Variants in PAPPA observed in about 807,000 individuals in gnomAD.
PAPPA encodes pappalysin-1.
A neutral mutation model predicts 164.0 loss-of-function variants in PAPPA; 60 were observed. That is an observed-to-expected ratio of 0.37 (90% confidence interval 0.30 to 0.45). PAPPA has a LOEUF of 0.45. Among genes scored for constraint, PAPPA ranks in the 20% least tolerant of loss-of-function variants. The pLI, the probability that PAPPA is intolerant of heterozygous loss-of-function variation, is 1.00. For missense variants in PAPPA, 1,782 were observed against 2,087.3 expected, an observed-to-expected ratio of 0.85 and a Z score of 2.85; for synonymous variants, 875 against 814.1, an observed-to-expected ratio of 1.07 and a Z score of -1.27.
intron 4 of PAPPA, among the ~76,000 whole-genome samples, chr9:116,216,590 G>T (rs1395323550): frequency 6.6e-6 from 1 of 152,132 alleles, no homozygotes; most frequent in Non-Finnish European, 1.5e-5. Context: ...GCACTGGGGG[G>T]AAAGAAGCCA....
In PAPPA at chr9:116,154,557, G is replaced by T; in HGVS notation, c.385G>T (p.Gly129Trp). The change falls in exon 1 of 22, where the codon GGG (glycine) becomes TGG (tryptophan). Residue 129 changes from glycine to tryptophan, a missense_variant. Gly to Trp is a radical substitution (Grantham distance 184, BLOSUM62 -2). This residue lies in a region of PAPPA where 458 missense variants were observed against 430.3 expected (regional missense o/e 1.06). Coordinates refer to ENST00000328252, the MANE Select transcript of PAPPA (RefSeq NM_002581.5). This position sits in a 1 kb window ranked among gnomAD's most constrained non-coding sequence, Gnocchi z 5.2. ...GCTGCAAGTGTGGCTGCGAGCGGAG[G>T]GGGGCCAGAGGTCTCCGGCAGTGAT... Reference protein sequence around the residue: ...FTLQVWLRAEGGQRSPAVITG... With the variant: ...FTLQVWLRAEWGQRSPAVITG... The T allele has an allele frequency of 7.1e-7, 1 of 1,404,954 alleles. No homozygotes were observed. Among genetic ancestry groups the T allele is most frequent in the Non-Finnish European group, 9.3e-7 (1 of 1,077,402 alleles). The allele number at this position is 1,404,954 out of a possible 1,614,324, so 87.0% of individuals were successfully genotyped here. A position where few individuals can be genotyped will look rare whatever the true frequency, so the allele number is the denominator to read the frequency against.
At chr9:116,216,105 TCTATTATTATGA>T (rs1372084384) in intron 4 of PAPPA, among the ~76,000 whole-genome samples, 1 of 152,172 alleles carries the variant, frequency 6.6e-6, no homozygotes, top group Non-Finnish European at 1.5e-5. Flanking sequence ...ATTATCTACA[TCTATTATTATGA>T]CTATTATTAC....
intron 1 of PAPPA, among the ~76,000 whole-genome samples, chr9:116,166,264 T>C (rs1843718417): frequency 6.6e-6 from 1 of 152,214 alleles, no homozygotes; most frequent in Non-Finnish European, 1.5e-5. Flanking sequence ...CCTTCTCAGC[T>C]CACATTGGGC....
At chr9:116,341,463 G>A (rs1055808903) in intron 13 of PAPPA, among the ~76,000 whole-genome samples, 3 of 152,120 alleles carry the variant, frequency 2.0e-5, no homozygotes, top group Admixed American at 2.0e-4. Context: ...CCTGTGTATG[G>A]CTTATCCCTT....
intron 13 of PAPPA, among the ~76,000 whole-genome samples, chr9:116,343,741 T>TTTTATTTATTTATTTATTTATTTA (rs1224868226): frequency 1.1e-4 from 16 of 142,296 alleles, no homozygotes; most frequent in South Asian, 2.3e-4. Flanking sequence ...TACCACTTAT[T>TTTTATTTATTTATTTATTTATTTA]TTTATTTATT....
chr9:116,285,167 C>CTTTTTTTTTTTTTTTT (rs1177249949), intron 9 of PAPPA, among the ~76,000 whole-genome samples: 1 of 90,096 alleles, frequency 1.1e-5, no homozygotes, highest in Non-Finnish European at 2.2e-5. Flanking sequence ...TCTTTTCTTT[C>CTTTTTTTTTTTTTTTT]TTTCTTTTTT....
chr9:116,289,453 T>G (rs72754244), intron 9 of PAPPA, among the ~76,000 whole-genome samples: 2 of 147,134 alleles, frequency 1.4e-5, no homozygotes, highest in Non-Finnish European at 3.0e-5. Context: ...TTTGCATGCA[T>G]TGTTTTACTT....
chr9:116,327,295 G>C (rs964213608), intron 10 of PAPPA, among the ~76,000 whole-genome samples: 8 of 152,198 alleles, frequency 5.3e-5, no homozygotes, highest in African/African-American at 1.9e-4. Context: ...AAGAACCTTG[G>C]CATCACTGGA....
intron 7 of PAPPA, among the ~76,000 whole-genome samples, chr9:116,262,368 G>A (rs533050605): frequency 6.6e-6 from 1 of 152,088 alleles, no homozygotes; most frequent in Non-Finnish European, 1.5e-5. Context: ...ACTTAAAATG[G>A]CATTCAGAAT....
At chr9:116,327,611 G>A (rs548793385) in intron 10 of PAPPA, among the ~76,000 whole-genome samples, 2 of 151,842 alleles carry the variant, frequency 1.3e-5, no homozygotes, top group East Asian at 3.9e-4. Context: ...ACAGGCGGAT[G>A]AAAACAGAGC....
intron 17 of PAPPA, among the ~76,000 whole-genome samples, chr9:116,356,532 G>A (rs1846356261): frequency 6.6e-6 from 1 of 152,188 alleles, no homozygotes; most frequent in African/African-American, 2.4e-5. Flanking sequence ...GCCCTCTGCT[G>A]GCTAGCTCTA....
rs985922776 is a variant in PAPPA at position 116,154,821 on chromosome 9, C to T, written c.415+234C>T. 1.3e-5 allele frequency among the ~76,000 whole-genome samples: 2 copies of T among 152,180 alleles called. No homozygotes were observed. Among genetic ancestry groups the T allele is most frequent in the African/African-American group, 4.8e-5 (2 of 41,468 alleles). On this transcript the variant is annotated intron_variant, in intron 1 of 21. Transcript: ENST00000328252. The surrounding 1 kb of genome is among the most constrained non-coding windows in gnomAD (Gnocchi z 5.2). ...CCATCCCTGGGAGGAACCTGGGGAG[C>T]CCTCCTGGCGGCCCCGCGGACCCTC...
At chr9:116,166,630 A>G (rs1345883668) in intron 1 of PAPPA, among the ~76,000 whole-genome samples, 2 of 152,214 alleles carry the variant, frequency 1.3e-5, no homozygotes, top group Non-Finnish European at 2.9e-5. Flanking sequence ...TAATAACAGT[A>G]ATGAAAGCAG....
intron 7 of PAPPA, among the ~76,000 whole-genome samples, chr9:116,248,236 A>G (rs562112947): frequency 6.6e-6 from 1 of 152,318 alleles, no homozygotes; most frequent in East Asian, 1.9e-4. Context: ...TAACTGAGCT[A>G]AAGAAAAAAT....
intron 7 of PAPPA, among the ~76,000 whole-genome samples, chr9:116,256,542 C>T (rs912474033): frequency 2.6e-5 from 4 of 151,696 alleles, no homozygotes; most frequent in African/African-American, 7.3e-5. Flanking sequence ...ACAATATTTA[C>T]CAGGTAAATG....
intron 13 of PAPPA, among the ~76,000 whole-genome samples, chr9:116,341,988 T>G (rs761209726): frequency 4.6e-5 from 7 of 152,344 alleles, no homozygotes; most frequent in Admixed American, 1.3e-4. Context: ...GATCTTCATT[T>G]TCCTGTGAAG....
chr9:116,273,377 T>G (rs1298945800), intron 9 of PAPPA, among the ~76,000 whole-genome samples: 1 of 152,248 alleles, frequency 6.6e-6, no homozygotes, highest in Non-Finnish European at 1.5e-5. Context: ...CACACTCATT[T>G]GCATATTGAC....
intron 1 of PAPPA, among the ~76,000 whole-genome samples, chr9:116,157,843 T>C (rs1379623500): frequency 6.6e-6 from 1 of 152,162 alleles, no homozygotes; most frequent in East Asian, 1.9e-4. Context: ...CCTTTGCTTT[T>C]GTACCACACC....
Position 116,342,569 on chromosome 9 carries a change from A to G in PAPPA, c.3612-1974A>G, listed in dbSNP as rs539614796. 9.2e-5 allele frequency among the ~76,000 whole-genome samples: 14 copies of G among 152,300 alleles called. No individual in the cohort carries two copies. The South Asian group carries it at 2.9e-3, about 32-fold the overall frequency. ...CCGCCTCCAGACTTTATTTCTCACT[A>G]TACTTTTGAGCAGAGGGTAGAGAAT... On this transcript the variant is annotated intron_variant, in intron 13 of 21. Transcript: ENST00000328252.
Sources: gnomAD v4.1 joint callset for allele counts (sites outside exome capture counted in the v4.1 genomes callset) on GRCh38, gnomAD v4.1.1 for gene constraint, gnomAD v4.1.1 regional missense constraint, Gnocchi (gnomAD v3.1) non-coding constraint, MANE v1.5 for transcripts, NCBI Gene and HGNC (gene_info 2026-07-23, HGNC 2026-07-21) for gene names.